DNAH12: variants seen among roughly 807,000 people sequenced by gnomAD.
DNAH12 encodes dynein axonemal heavy chain 12.
DNAH12 carries 285 observed loss-of-function variants against 371.5 expected under a neutral mutation model. That is an observed-to-expected ratio of 0.77 (90% CI 0.70 to 0.85). The LOEUF (loss-of-function observed/expected upper bound fraction) is 0.85. DNAH12 is among the 40% of genes least tolerant of loss of function. DNAH12 has a pLI of 0.00. For synonymous variants in DNAH12, 1,200 were observed against 1,213.0 expected (o/e 0.99, Z 0.22); for missense variants, 3,611 against 3,689.4 (o/e 0.98, Z 0.55).
At chr3:57,337,571 A>G (rs1234034852) in intron 60 of DNAH12, among the ~76,000 whole-genome samples, 1 of 152,200 alleles carries the variant, frequency 6.6e-6, no homozygotes, top group Non-Finnish European at 1.5e-5. Flanking sequence ...AGGCAGGAGA[A>G]TCACTTGAAC....
chr3:57,450,592 T>C (rs1220819623), intron 25 of DNAH12, among the ~76,000 whole-genome samples: 1 of 152,204 alleles, frequency 6.6e-6, no homozygotes, highest in African/African-American at 2.4e-5. Context: ...CTCAAAGTTG[T>C]TAGCCCCCAC....
In DNAH12 at chr3:57,419,416, C is replaced by A; in HGVS notation, c.5665G>T (p.Asp1889Tyr). 6.6e-7 allele frequency: 1 copy of A among 1,511,982 alleles called. No individual in the cohort carries two copies. The highest frequency in any genetic ancestry group is 1.3e-5 in the South Asian group (1 of 74,820). The allele number at this position is 1,511,982 out of a possible 1,614,324, so 93.7% of individuals were successfully genotyped here. ...KIQDIIVPTM[D>Y]TIRYTFLMDL... ...ATTAGAAACGTATATCTAATTGTGT[C>A]CATCGTAGGGACTATGATATCTTGA... The change falls in exon 37 of 74, where the codon GAC (aspartate) becomes TAC (tyrosine). Residue 1889 changes from aspartate (D) to tyrosine (Y), a missense_variant. Physicochemically the swap from Asp to Tyr is radical, Grantham distance 160. Around this residue, in one of 3 missense-constraint regions of DNAH12, gnomAD observed 2,266 missense variants for 2,236.9 expected, o/e 1.01. Transcript: ENST00000495027.
chr3:57,307,658 G>A (rs2061499560), intron 69 of DNAH12, among the ~76,000 whole-genome samples: 2 of 151,986 alleles, frequency 1.3e-5, no homozygotes, highest in Admixed American at 6.6e-5. Context: ...TCTGCTCCCT[G>A]GCTCCTTCAG....
intron 67 of DNAH12, among the ~76,000 whole-genome samples, chr3:57,310,481 A>G (rs2061562438): frequency 6.6e-6 from 1 of 152,194 alleles, no homozygotes; most frequent in African/African-American, 2.4e-5. Flanking sequence ...TTCCTTTCCT[A>G]CAATACATGA....
intron 7 of DNAH12, among the ~76,000 whole-genome samples, 182 bp downstream of exon 7, chr3:57,508,200 C>CAAAAAAAAAAAAAAAAAAA (rs11288020): frequency 7.7e-6 from 1 of 129,172 alleles, no homozygotes. Context: ...AAAAAAAAAA[C>CAAAAAAAAAAAAAAAAAAA]AAAAAAAAAA....
At chr3:57,527,345 A>C (rs888077216) in intron 2 of DNAH12, among the ~76,000 whole-genome samples, 2 of 152,236 alleles carry the variant, frequency 1.3e-5, no homozygotes, top group Admixed American at 6.5e-5. Context: ...AAACAAAAAC[A>C]AAGGAAATTT....
chr3:57,528,272 C>T (rs1192822279), intron 2 of DNAH12, among the ~76,000 whole-genome samples: 1 of 151,622 alleles, frequency 6.6e-6, no homozygotes, highest in East Asian at 2.0e-4. Context: ...AGGTGATCCA[C>T]CCACCTTGGC....
chr3:57,448,097 G>A (rs957212183), intron 25 of DNAH12, among the ~76,000 whole-genome samples: 6 of 152,106 alleles, frequency 3.9e-5, no homozygotes, highest in African/African-American at 1.2e-4. Context: ...CCTTTATTGT[G>A]AATAATAAAT....
intron 36 of DNAH12, among the ~76,000 whole-genome samples, chr3:57,420,709 A>G (rs1015349844): frequency 6.6e-6 from 1 of 151,956 alleles, no homozygotes; most frequent in East Asian, 1.9e-4. Context: ...GGAGACTGAG[A>G]CCATCCTGGC....
At chr3:57,484,911 GC>G (rs1163164730) in intron 12 of DNAH12, among the ~76,000 whole-genome samples, 2 of 151,754 alleles carry the variant, frequency 1.3e-5, no homozygotes, top group Non-Finnish European at 2.9e-5. Context: ...AAAGAAGACA[GC>G]CAAAAAAACC....
chr3:57,302,818 C>A (rs1309741732), intron 69 of DNAH12, among the ~76,000 whole-genome samples: 1 of 148,730 alleles, frequency 6.7e-6, no homozygotes, highest in Non-Finnish European at 1.5e-5. Context: ...TCAGGTGATT[C>A]ACCTGCCTCG....
Position 57,542,864 on chromosome 3 carries a change from C to G in DNAH12, c.7G>C (p.Asp3His), listed in dbSNP as rs1474682409. 6.3e-7 allele frequency: 1 copy of G among 1,587,432 alleles called. No homozygotes were observed. The highest frequency in any genetic ancestry group is 1.4e-5 in the African/African-American group (1 of 72,662). Reference protein sequence around the residue: MSDANKAAIAAEK... With the variant: MSHANKAAIAAEK... ...GCTGCAATGGCAGCTTTGTTTGCAT[C>G]TGACATCTTGATCCCCTAAAGATTA... Residue 3 changes from aspartate (D) to histidine (H), a missense_variant, in exon 2 of 74, where the codon GAT becomes CAT. By Grantham distance (81) the Asp-to-His change is moderately conservative. This residue lies in a region of DNAH12 where 1,314 missense variants were observed against 1,398.7 expected (regional missense o/e 0.94). Transcript: ENST00000495027.
Position 57,435,315 on chromosome 3 carries a change from T to TGA in DNAH12, c.4656-1489_4656-1488dup, listed in dbSNP as rs1447069218. 2.2e-5 allele frequency among the ~76,000 whole-genome samples: 3 copies of TGA among 139,370 alleles called. No homozygotes were observed. In the East Asian group the frequency reaches 6.3e-4, roughly 29 times the overall value. The allele number at this position is 139,370 out of a possible 152,430, so 91.4% of individuals were successfully genotyped here. ...TGAACCCAGGAGGTGGAGGTTGCAGTGAGCCAAGATCTTGCCACTGCATTC... is the reference window on the plus strand; with the variant it reads ...TGAACCCAGGAGGTGGAGGTTGCAGTGAGAGCCAAGATCTTGCCACTGCATTC... On this transcript the variant is annotated intron_variant, in intron 30 of 73. Coordinates refer to ENST00000495027, the MANE Select transcript of DNAH12 (RefSeq NM_001366028.2).
At chr3:57,304,129 A>C (rs368946384) in intron 69 of DNAH12, among the ~76,000 whole-genome samples, 1 of 150,236 alleles carries the variant, frequency 6.7e-6, no homozygotes, top group African/African-American at 2.4e-5. Flanking sequence ...AAATCTTATA[A>C]AACGGCCCCA....
Position 57,314,605 on chromosome 3 carries a change from A to T in DNAH12, c.10551T>A (p.Val3517=). 1 of 1,549,604 alleles carries T rather than the reference A, an allele frequency of 6.5e-7. No homozygotes were observed. Among genetic ancestry groups the T allele is most frequent in the South Asian group, 1.2e-5 (1 of 83,282 alleles). ...ELAWEKLLFG[V]CFFHALVQER... is the part of the protein sequence containing the mutation. ...CTTGCACAAGGGCATGAAAAAAACA[A>T]ACTCCAAACAGTAACTTCTCCCAGG... The change falls in exon 66 of 74, where the codon GTT becomes GTA. Residue 3517 remains valine (V), a synonymous_variant. Transcript: ENST00000495027.
At chr3:57,533,415 C>T (rs1362316091) in intron 2 of DNAH12, among the ~76,000 whole-genome samples, 2 of 152,158 alleles carry the variant, frequency 1.3e-5, no homozygotes, top group Admixed American at 1.3e-4. Flanking sequence ...CATCTGTCAC[C>T]ATAGCCAACA....
chr3:57,391,114 A>T (rs2063613230), intron 45 of DNAH12, among the ~76,000 whole-genome samples: 1 of 152,186 alleles, frequency 6.6e-6, no homozygotes, highest in Non-Finnish European at 1.5e-5. Context: ...TGACTGGGCT[A>T]TGAGGTTCCC....
chr3:57,454,718 T>C (rs979803087), intron 23 of DNAH12, 57 bp downstream of exon 23: 4 of 1,534,840 alleles, frequency 2.6e-6, no homozygotes, highest in Non-Finnish European at 3.5e-6. Flanking sequence ...AATAATAAAA[T>C]TAAATTTTAA....
At chr3:57,339,924 A>G (rs2062351637) in intron 60 of DNAH12, among the ~76,000 whole-genome samples, 1 of 152,154 alleles carries the variant, frequency 6.6e-6, no homozygotes, top group Non-Finnish European at 1.5e-5. Flanking sequence ...AGAAAAAATT[A>G]GCCAAGTGTG....
Sources: gnomAD v4.1 joint callset for allele counts (sites outside exome capture counted in the v4.1 genomes callset) on GRCh38, gnomAD v4.1.1 for gene constraint, gnomAD v4.1.1 regional missense constraint, MANE v1.5 for transcripts, NCBI Gene and HGNC (gene_info 2026-07-23, HGNC 2026-07-21) for gene names.